The following OXGR1 variants were observed in gnomAD, a reference collection of about 807,000 sequenced individuals.
OXGR1 encodes 2-oxoglutarate receptor 1.
A neutral mutation model predicts 10.0 loss-of-function variants in OXGR1; 10 were observed. The ratio of observed to expected loss-of-function variants is 1.00; its 90% CI spans 0.62 to 1.70. The LOEUF (loss-of-function observed/expected upper bound fraction) is 1.70, where lower values mean the gene tolerates loss of function less well. Among genes scored for constraint, OXGR1 ranks in the 40% most tolerant of loss-of-function variants. The pLI, the probability that OXGR1 is intolerant of heterozygous loss-of-function variation, is 0.00. For missense variants in OXGR1, 398 were observed against 407.6 expected (o/e 0.98, Z 0.20); for synonymous variants, 191 against 155.9 (o/e 1.22, Z -1.68).
At position 96,986,700 on chromosome 13, in the gene OXGR1, TA is replaced by T; in HGVS notation, c.*45del. 1.3e-6 allele frequency: 2 copies of T among 1,542,836 alleles called. No individual in the cohort carries two copies. The highest frequency in any genetic ancestry group is 1.3e-5 in the South Asian group (1 of 79,140). ...ATCCTGAACATCTTAGGATGCTAGG[TA>T]AAGTATCAGCAAGTATTTGTTTTTG... On this transcript the variant is annotated 3_prime_UTR_variant, in exon 4 of 4. Transcript: ENST00000541038.
At chr13:96,987,911 C>CCACCGAG in intron 3 of OXGR1, 78 bp from the exon 4 acceptor site, 4 of 1,080,260 alleles carry the variant, frequency 3.7e-6, no homozygotes, top group Admixed American at 3.6e-5. Context: ...ATTATTCTAA[C>CCACCGAG]ATCCTAAATT....
chr13:96,987,781 A>C lies in OXGR1; in HGVS notation c.-22T>G. ...TCATGGTTGTCTCCTTTCATCTTGC[A>C]AGAAAACAAGAGAGTTCAGTTTGGC... On this transcript the variant is annotated 5_prime_UTR_variant, in exon 4 of 4. Coordinates refer to ENST00000541038, the MANE Select transcript of OXGR1 (RefSeq NM_001346194.2). The C allele has an allele frequency of 1.3e-6, 2 of 1,540,306 alleles. No homozygotes were observed. Among genetic ancestry groups the C allele is most frequent in the Non-Finnish European group, 1.7e-6 (2 of 1,145,034 alleles).
Position 96,994,003 on chromosome 13 carries a change from A to C in OXGR1, c.-278+295T>G, listed in dbSNP as rs1315351880. 2.0e-4 allele frequency among the ~76,000 whole-genome samples: 30 copies of C among 152,096 alleles called. 1 individual carries two copies. The highest frequency in any genetic ancestry group is 2.6e-4 in the Admixed American group (4 of 15,278). On this transcript the variant is annotated intron_variant, in intron 1 of 3. Transcript: ENST00000541038. ...TGGGTGTGAAAAAAAGTGTGAGATG[A>C]AATCAGAGATCCCTAACTCCCCCAG...
rs1881757997 is a variant in OXGR1 at position 96,986,739 on chromosome 13, A to T, written c.*7T>A. 1.3e-6 allele frequency: 2 copies of T among 1,589,354 alleles called. No individual in the cohort carries two copies. The highest frequency in any genetic ancestry group is 1.7e-6 in the Non-Finnish European group (2 of 1,169,870). On this transcript the variant is annotated 3_prime_UTR_variant, in exon 4 of 4. Transcript: ENST00000541038. ...GTATTTGTTTTTGGTTAAGTAAATGAAATATTTCAAGGGTTGTTTGAGTAA... is the reference window on the plus strand; with the variant it reads ...GTATTTGTTTTTGGTTAAGTAAATGTAATATTTCAAGGGTTGTTTGAGTAA...
intron 3 of OXGR1, among the ~76,000 whole-genome samples, chr13:96,989,181 G>C (rs554860821): frequency 1.3e-5 from 2 of 152,306 alleles, no homozygotes; most frequent in South Asian, 2.1e-4. Context: ...CAAGACTACT[G>C]AGATCACAAG....
intron 2 of OXGR1, among the ~76,000 whole-genome samples, chr13:96,991,257 C>G (rs9584459): frequency 0.07 from 10,625 of 152,182 alleles, 1,078 homozygotes; most frequent in African/African-American, 0.22. Context: ...GTGATGTTAA[C>G]AACAGCACAC....
At position 96,985,888 on chromosome 13, in the gene OXGR1, A is replaced by G. The variant is rs1307866682; in HGVS notation, c.*858T>C. The stretch of plus-strand genomic sequence containing the variant: ...TGTTCATTGTAGTCATAAAAGAACA[A>G]GGAGTCTAAAGAGAATTAGCGTTTC... On this transcript the variant is annotated 3_prime_UTR_variant, in exon 4 of 4. Coordinates refer to ENST00000541038, the MANE Select transcript of OXGR1 (RefSeq NM_001346194.2). 2.0e-5 allele frequency: 3 copies of G among 152,348 alleles called. No individual in the cohort carries two copies. Among genetic ancestry groups the G allele is most frequent in the South Asian group, 4.1e-4 (2 of 4,820 alleles). 9.4% of individuals were successfully genotyped at this position (152,348 alleles called of 1,614,324 possible).
Position 96,989,793 on chromosome 13 carries a change from T to A in OXGR1, c.-110A>T, listed in dbSNP as rs992645110. 3 of 152,048 alleles carry A rather than the reference T, an allele frequency of 2.0e-5. No individual in the cohort carries two copies. Among genetic ancestry groups the A allele is most frequent in the Non-Finnish European group, 4.4e-5 (3 of 68,010 alleles). 9.4% of individuals were successfully genotyped at this position (152,048 alleles called of 1,614,324 possible). Reference sequence around the variant, plus strand: ...TGTCTCTTCATGTGTATTTTGTTGATTTTCATCAGGATTACCCTAAATAAT... The same window carrying A: ...TGTCTCTTCATGTGTATTTTGTTGAATTTCATCAGGATTACCCTAAATAAT... On this transcript the variant is annotated 5_prime_UTR_variant, in exon 3 of 4. Coordinates refer to ENST00000541038, the MANE Select transcript of OXGR1 (RefSeq NM_001346194.2).
At chr13:96,993,342 C>T (rs983000360) in intron 1 of OXGR1, among the ~76,000 whole-genome samples, 3 of 152,144 alleles carry the variant, frequency 2.0e-5, no homozygotes, top group East Asian at 1.9e-4. Flanking sequence ...GCCTCAGCCT[C>T]GGAGTGGCTG....
At chr13:96,991,078 G>C (rs571149490) in intron 2 of OXGR1, among the ~76,000 whole-genome samples, 73 of 151,772 alleles carry the variant, frequency 4.8e-4, no homozygotes, top group African/African-American at 1.7e-3. Context: ...ATTCTATGAA[G>C]AAAAGATGGG....
rs1566288786 is a variant in OXGR1, at chr13:96,987,040, TC to T, written c.719del (p.Arg240GlnfsTer3). 4 of 1,614,094 alleles carry T rather than the reference TC, an allele frequency of 2.5e-6. No individual in the cohort carries two copies. In the South Asian group the frequency reaches 4.4e-5, roughly 18 times the overall value. On this transcript the variant is annotated frameshift_variant, in exon 4 of 4. Transcript: ENST00000541038. LOFTEE classifies it high-confidence loss of function. ...QTDSCLKQKA[R>X]RLTILLLLAF... ...CAAGGAGTAGCAGAATGGTTAGCCTTCGTGCTTTCTGCTTAAGGCAGCTGTC... is the reference window on the plus strand; with the variant it reads ...CAAGGAGTAGCAGAATGGTTAGCCTTGTGCTTTCTGCTTAAGGCAGCTGTC...
In OXGR1 at chr13:96,986,715, T is replaced by C; in HGVS notation, c.*31A>G. 1 of 1,563,600 alleles carries C rather than the reference T, an allele frequency of 6.4e-7. No individual in the cohort carries two copies. The highest frequency in any genetic ancestry group is 1.4e-5 in the African/African-American group (1 of 73,684). On this transcript the variant is annotated 3_prime_UTR_variant, in exon 4 of 4. Coordinates refer to ENST00000541038, the MANE Select transcript of OXGR1 (RefSeq NM_001346194.2). ...GGATGCTAGGTAAAGTATCAGCAAG[T>C]ATTTGTTTTTGGTTAAGTAAATGAA...
In OXGR1 at chr13:96,986,826, C is replaced by G. The variant is rs1466922201; in HGVS notation, c.934G>C (p.Ala312Pro). ...YVVVSDNFQQ[A>P]VCSTVRCKVS... ...TTGCATCTCACTGTTGAGCAGACAG[C>G]CTGCTGAAAGTTGTCGCTGACCACC... is the stretch of plus-strand genomic sequence containing the variant. The change falls in exon 4 of 4, where the codon GCT (alanine) becomes CCT (proline). Residue 312 changes from alanine (A) to proline (P), a missense_variant. Coordinates refer to ENST00000541038, the MANE Select transcript of OXGR1 (RefSeq NM_001346194.2). The G allele has an allele frequency of 6.2e-7, 1 of 1,614,106 alleles. No individual in the cohort carries two copies. Among genetic ancestry groups the G allele is most frequent in the Non-Finnish European group, 8.5e-7 (1 of 1,180,010 alleles).
chr13:96,990,778 T>C (rs114378333), intron 2 of OXGR1, among the ~76,000 whole-genome samples: 1,608 of 151,864 alleles, frequency 0.011, 35 homozygotes, highest in African/African-American at 0.037. Flanking sequence ...ACTCCGTCTC[T>C]ATTAAAAATA....
intron 2 of OXGR1, among the ~76,000 whole-genome samples, chr13:96,992,190 C>T (rs970408152): frequency 1.3e-5 from 2 of 151,524 alleles, no homozygotes; most frequent in African/African-American, 4.9e-5. Context: ...AATGGGGTGA[C>T]CATAGTCATA....
At position 96,994,332 on chromosome 13, in the gene OXGR1, G is replaced by C. The variant is rs1448813655; in HGVS notation, c.-312C>G. 9 of 152,318 alleles carry C rather than the reference G, an allele frequency of 5.9e-5. No individual in the cohort carries two copies. Among genetic ancestry groups the C allele is most frequent in the Non-Finnish European group, 1.3e-4 (9 of 68,196 alleles). The allele number at this position is 152,318 out of a possible 1,614,324, so 9.4% of individuals were successfully genotyped here. A position where few individuals can be genotyped will look rare whatever the true frequency, so the allele number is the denominator to read the frequency against. On this transcript the variant is annotated 5_prime_UTR_variant, in exon 1 of 4. Coordinates refer to ENST00000541038, the MANE Select transcript of OXGR1 (RefSeq NM_001346194.2). ...CCGGCGAGGCGGACATGCGCCCAGC[G>C]TGCCTGTGCAGCCTAGTTGGTCCCG...
At chr13:96,993,805 C>A (rs1210094046) in intron 1 of OXGR1, among the ~76,000 whole-genome samples, 1 of 107,418 alleles carries the variant, frequency 9.3e-6, no homozygotes, top group Non-Finnish European at 1.8e-5. Flanking sequence ...ATTTTCCTCG[C>A]TTGTTGGGGG....
rs1442659389 is a variant in OXGR1, at chr13:96,992,441, CT to C, written c.-147del. ...GCTTACAATTTTAGCCTTTTTTTCT[CT>C]GAAATTGGAAAGTAGCTGTGATTGT... is the stretch of plus-strand genomic sequence containing the variant. On this transcript the variant is annotated 5_prime_UTR_variant, in exon 2 of 4. Transcript: ENST00000541038. 1 of 151,932 alleles carries C rather than the reference CT, an allele frequency of 6.6e-6. No individual in the cohort carries two copies. Among genetic ancestry groups the C allele is most frequent in the Non-Finnish European group, 1.5e-5 (1 of 67,964 alleles). 9.4% of individuals were successfully genotyped at this position (151,932 alleles called of 1,614,324 possible). A position where few individuals can be genotyped will look rare whatever the true frequency, so the allele number is the denominator to read the frequency against.
intron 2 of OXGR1, among the ~76,000 whole-genome samples, chr13:96,991,859 G>T (rs1439216253): frequency 1.3e-5 from 2 of 152,122 alleles, no homozygotes; most frequent in East Asian, 3.9e-4. Context: ...AATGGATAAA[G>T]AAAATGTGGT....
Sources: gnomAD v4.1 joint callset for allele counts (sites outside exome capture counted in the v4.1 genomes callset) on GRCh38, gnomAD v4.1.1 for gene constraint, MANE v1.5 for transcripts, NCBI Gene and HGNC (gene_info 2026-07-23, HGNC 2026-07-21) for gene names.